The following DNAAF5 variants were observed in gnomAD, a reference collection of about 807,000 sequenced individuals.
DNAAF5 encodes dynein axonemal assembly factor 5.
DNAAF5 carries 64 observed loss-of-function variants against 75.8 expected under a neutral mutation model. That is an observed-to-expected ratio of 0.84 (90% CI 0.69 to 1.04). The LOEUF is 1.04. Ranked by LOEUF, DNAAF5 falls within the 50% of genes least tolerant of loss-of-function variation. DNAAF5 has a pLI of 0.00. For synonymous variants in DNAAF5, 657 were observed against 557.2 expected, an observed-to-expected ratio of 1.18 and a Z score of -2.52; for missense variants, 1,269 against 1,178.5, an observed-to-expected ratio of 1.08 and a Z score of -1.12.
At chr7:762,095 G>A (rs1782672139) in intron 7 of DNAAF5, among the ~76,000 whole-genome samples, 199 bp downstream of exon 7, 1 of 152,208 alleles carries the variant, frequency 6.6e-6, no homozygotes, top group African/African-American at 2.4e-5. Context: ...CTGGCATCAG[G>A]GAGTGGAGAC....
chr7:773,898 A>G, intron 9 of DNAAF5, 150 bp from the exon 10 acceptor site: 1 of 830,138 alleles, frequency 1.2e-6, no homozygotes, highest in Non-Finnish European at 2.0e-6. Context: ...ACTGAGAAGC[A>G]GCTCCTGAGA....
chr7:750,690 A>C (rs1271443176), intron 4 of DNAAF5, among the ~76,000 whole-genome samples: 1 of 152,034 alleles, frequency 6.6e-6, no homozygotes, highest in African/African-American at 2.4e-5. Context: ...CCAGTTCCTA[A>C]CAGGCCTTAA....
Position 785,083 on chromosome 7 carries a change from C to T in DNAAF5, c.2432-434C>T, listed in dbSNP as rs118052704. On this transcript the variant is annotated intron_variant, in intron 12 of 12. Coordinates refer to ENST00000297440, the MANE Select transcript of DNAAF5 (RefSeq NM_017802.4). ...CACGTTATGACTACTGTGCACCCAT[C>T]CGCTGCATCAGGTCGCTCGTGTCCA... Among the ~76,000 whole-genome samples the T allele has an allele frequency of 2.2e-3, 333 of 152,026 alleles. 9 individuals are homozygous for T. In the East Asian group the frequency reaches 0.059, roughly 27 times the overall value.
At chr7:763,559 T>A (rs1782730320) in intron 7 of DNAAF5, among the ~76,000 whole-genome samples, 1 of 152,178 alleles carries the variant, frequency 6.6e-6, no homozygotes, top group Non-Finnish European at 1.5e-5. Context: ...GTGTGCACAG[T>A]GCCTGCTTCA....
rs1020600550 is a variant in DNAAF5, at chr7:729,659, T to G, written c.596-4T>G. On this transcript the variant is annotated splice_region_variant and splice_polypyrimidine_tract_variant and intron_variant, in intron 1 of 12. Transcript: ENST00000297440. ...TGGTAACTGGGGGCCTCCCTGTCCC[T>G]CAGACCACTTCCACATGCAGTCGGA... 4 of 1,612,862 alleles carry G rather than the reference T, an allele frequency of 2.5e-6. No individual in the cohort carries two copies. In the African/African-American group the frequency reaches 5.3e-5, roughly 22 times the overall value.
chr7:775,306 C>A, intron 11 of DNAAF5, 144 bp downstream of exon 11: 1 of 754,794 alleles, frequency 1.3e-6, no homozygotes, highest in South Asian at 1.7e-5. Flanking sequence ...TTAATTCCAG[C>A]ACTTTAGGCA....
intron 9 of DNAAF5, 90 bp downstream of exon 9, chr7:770,708 G>A: frequency 7.8e-7 from 1 of 1,281,174 alleles, no homozygotes; most frequent in Non-Finnish European, 1.1e-6. Flanking sequence ...CTGAGCAAGG[G>A]GGTTCCCACC....
intron 12 of DNAAF5, among the ~76,000 whole-genome samples, chr7:784,811 C>G (rs540066114): frequency 6.6e-6 from 1 of 152,262 alleles, no homozygotes; most frequent in East Asian, 1.9e-4. Flanking sequence ...TGTTTCTAAG[C>G]CCAAAAATGC....
chr7:764,117 C>G, intron 8 of DNAAF5, 143 bp downstream of exon 8: 1 of 842,848 alleles, frequency 1.2e-6, no homozygotes, highest in Non-Finnish European at 1.8e-6. Context: ...CCAATAGTCA[C>G]TCTTGCCTGG....
chr7:755,914 G>A (rs558794859), intron 5 of DNAAF5, among the ~76,000 whole-genome samples: 29 of 152,312 alleles, frequency 1.9e-4, no homozygotes, highest in African/African-American at 6.5e-4. Flanking sequence ...GACGAGAGAC[G>A]TGTGTGGGAT....
At chr7:758,492 A>C (rs1583500029) in intron 6 of DNAAF5, among the ~76,000 whole-genome samples, 1 of 152,172 alleles carries the variant, frequency 6.6e-6, no homozygotes, top group Non-Finnish European at 1.5e-5. Context: ...GCCAGCCTCA[A>C]CCTTCCAGGC....
chr7:766,448 C>T (rs1782824150), intron 8 of DNAAF5, among the ~76,000 whole-genome samples: 1 of 152,214 alleles, frequency 6.6e-6, no homozygotes, highest in South Asian at 2.1e-4. Context: ...TTATTTTAAA[C>T]ATACAGAAAG....
intron 8 of DNAAF5, among the ~76,000 whole-genome samples, chr7:766,578 G>C (rs1435173073): frequency 6.6e-6 from 1 of 152,220 alleles, no homozygotes; most frequent in African/African-American, 2.4e-5. Context: ...AAGGATGACA[G>C]TGTGAGATCT....
At chr7:764,859 T>C (rs1782772290) in intron 8 of DNAAF5, among the ~76,000 whole-genome samples, 1 of 151,926 alleles carries the variant, frequency 6.6e-6, no homozygotes, top group South Asian at 2.1e-4. Context: ...TCACTTGAGC[T>C]CAGGAGTTCG....
Position 756,877 on chromosome 7 carries a change from C to T in DNAAF5, c.1353C>T (p.Ser451=), listed in dbSNP as rs749145348. 1.7e-5 allele frequency: 28 copies of T among 1,613,634 alleles called. No homozygotes were observed. Among genetic ancestry groups the T allele is most frequent in the East Asian group, 1.3e-4 (6 of 44,882 alleles). The change falls in exon 6 of 13, where the codon TCC becomes TCT. Residue 451 remains serine, a synonymous_variant. Coordinates refer to ENST00000297440, the MANE Select transcript of DNAAF5 (RefSeq NM_017802.4). ...CGCTGAAGAAGACGCCCTCTGCCTCCGGCCTCCTGGTGCTGGCCTCCGCCA... is the reference window on the plus strand; with the variant it reads ...CGCTGAAGAAGACGCCCTCTGCCTCTGGCCTCCTGGTGCTGGCCTCCGCCA... ...LSTLKKTPSA[S]GLLVLASAMR...
At chr7:782,068 G>A (rs1228760256) in intron 12 of DNAAF5, among the ~76,000 whole-genome samples, 5 of 152,226 alleles carry the variant, frequency 3.3e-5, no homozygotes, top group South Asian at 2.1e-4. Context: ...AGCTGCGTCC[G>A]GTTTCCCGGC....
chr7:762,100 G>A (rs1342431696), intron 7 of DNAAF5, among the ~76,000 whole-genome samples: 1 of 152,152 alleles, frequency 6.6e-6, no homozygotes, highest in Non-Finnish European at 1.5e-5. Context: ...ATCAGGGAGT[G>A]GAGACAGCTG....
intron 11 of DNAAF5, among the ~76,000 whole-genome samples, chr7:776,061 C>T (rs1304346588): frequency 1.3e-5 from 2 of 152,064 alleles, no homozygotes; most frequent in East Asian, 1.9e-4. Context: ...AAAACGTGGC[C>T]GGGCACGGTG....
intron 6 of DNAAF5, among the ~76,000 whole-genome samples, chr7:761,006 T>A (rs1782626603): frequency 6.6e-6 from 1 of 152,242 alleles, no homozygotes; most frequent in South Asian, 2.1e-4. Flanking sequence ...GGGGCCACTT[T>A]TCTTTTTAAC....
Sources: allele counts gnomAD v4.1 joint callset (sites outside exome capture counted in the v4.1 genomes callset), GRCh38; gene constraint gnomAD v4.1.1; transcripts MANE v1.5; gene names NCBI Gene and HGNC (gene_info 2026-07-23, HGNC 2026-07-21).